Variants in ASB15 observed in about 807,000 individuals in gnomAD.
The protein encoded by ASB15 is ankyrin repeat and SOCS box protein 15.
A neutral mutation model predicts 58.0 loss-of-function variants in ASB15; 54 were observed. The observed-to-expected ratio is 0.93, with a 90% CI of 0.75 to 1.17. The LOEUF (loss-of-function observed/expected upper bound fraction) is 1.17. ASB15 is among the 50% of genes most tolerant of loss of function. The probability of loss-of-function intolerance (pLI) is 0.00; values close to 1 mark genes in which losing one functional copy is unlikely to be tolerated. For synonymous variants in ASB15, 249 were observed against 262.4 expected, an observed-to-expected ratio of 0.95 and a Z score of 0.50; for missense variants, 680 against 707.4, an observed-to-expected ratio of 0.96 and a Z score of 0.44.
intron 1 of ASB15, among the ~76,000 whole-genome samples, chr7:123,573,310 T>C (rs1562906622): frequency 2.1e-5 from 3 of 144,442 alleles, no homozygotes; most frequent in Non-Finnish European, 4.5e-5. Flanking sequence ...TTTTTTGTCA[T>C]CTTAGGGTTT....
intron 1 of ASB15, among the ~76,000 whole-genome samples, chr7:123,570,537 AAC>A (rs1322206371): frequency 6.6e-6 from 1 of 152,096 alleles, no homozygotes; most frequent in Non-Finnish European, 1.5e-5. Context: ...AGGAAAGCCA[AAC>A]ACACTAAGAA....
chr7:123,571,164 C>A (rs1005844395), intron 1 of ASB15, among the ~76,000 whole-genome samples: 3 of 152,156 alleles, frequency 2.0e-5, no homozygotes, highest in African/African-American at 7.2e-5. Context: ...TTGAGAAGCA[C>A]CAACTGCACA....
chr7:123,616,627 G>C (rs1223723057), intron 6 of ASB15, 132 bp downstream of exon 6: 2 of 1,128,532 alleles, frequency 1.8e-6, no homozygotes, highest in African/African-American at 3.3e-5. Context: ...ATTTGAAAAA[G>C]GCAGCACCCA....
chr7:123,601,490 A>G (rs1016749998), upstream of ASB15, among the ~76,000 whole-genome samples: 7 of 152,204 alleles, frequency 4.6e-5, no homozygotes, highest in Admixed American at 6.5e-5. Flanking sequence ...AAAATATGTC[A>G]AAAGTGGATT....
At chr7:123,614,687 T>G (rs1800685892) in intron 4 of ASB15, 78 bp downstream of exon 4, 5 of 902,152 alleles carry the variant, frequency 5.5e-6, no homozygotes, top group Non-Finnish European at 9.0e-6. Flanking sequence ...GAATACCGTT[T>G]CCTAATTCCT....
At position 123,624,649 on chromosome 7, in the gene ASB15, T is replaced by C; in HGVS notation, c.532T>C (p.Trp178Arg). The C allele has an allele frequency of 6.2e-7, 1 of 1,614,160 alleles. No homozygotes were observed. The highest frequency in any genetic ancestry group is 8.5e-7 in the Non-Finnish European group (1 of 1,180,002). Residue 178 changes from tryptophan (W) to arginine (R), a missense_variant, in exon 8 of 12, where the codon TGG (tryptophan) becomes CGG (arginine). Physicochemically the swap from Trp to Arg is moderately radical, Grantham distance 101. Transcript: ENST00000451215. ...TSLDQPCVKR[W>R]SAMHEAAKQG... ...CCTAGACCAGCCCTGTGTCAAGCGA[T>C]GGTCAGCAATGCATGAAGCAGCCAA...
intron 1 of ASB15, among the ~76,000 whole-genome samples, chr7:123,596,201 G>A (rs542074548): frequency 1.5e-4 from 23 of 152,138 alleles, no homozygotes; most frequent in African/African-American, 5.5e-4. Context: ...CAAATCATGA[G>A]ACCATTAAAA....
In ASB15 at chr7:123,629,210, G is replaced by A. The variant is rs751821828; in HGVS notation, c.1216G>A (p.Val406Ile). 5.6e-6 allele frequency: 9 copies of A among 1,613,854 alleles called. No individual in the cohort carries two copies. The highest frequency in any genetic ancestry group is 6.8e-6 in the Non-Finnish European group (8 of 1,179,756). The change falls in exon 10 of 12, where the codon GTC (valine) becomes ATC (isoleucine). Residue 406 changes from valine to isoleucine, a missense_variant. Val to Ile is a conservative substitution (Grantham distance 29). Transcript: ENST00000451215. Reference protein sequence around the residue: ...VRLLLSHGANVNCYFMHVNDT... With the variant: ...VRLLLSHGANINCYFMHVNDT... ...GCTGCTTCTCTCCCATGGAGCTAAT[G>A]TCAATTGTTATTTTATGCATGTGAA... is the stretch of plus-strand genomic sequence containing the variant.
At chr7:123,593,861 G>A (rs1385413637) in intron 1 of ASB15, among the ~76,000 whole-genome samples, 2 of 152,140 alleles carry the variant, frequency 1.3e-5, no homozygotes, top group Non-Finnish European at 2.9e-5. Flanking sequence ...CTGGATAATA[G>A]CCTGAAGAGT....
rs1448225223 is a variant in ASB15 at position 123,575,427 on chromosome 7, CAT to C, written c.-443+8340_-443+8341del. 3.9e-5 allele frequency among the ~76,000 whole-genome samples: 6 copies of C among 152,222 alleles called. No individual in the cohort carries two copies. The East Asian group carries it at 5.8e-4, about 15-fold the overall frequency. On this transcript the variant is annotated intron_variant, in intron 1 of 13. Transcript: ENST00000451558. Reference sequence around the variant, plus strand: ...TCTCCTTTCAATCTCAGATATTCCACATGAGGCAATCATACACAATTAAATCA... The same window carrying C: ...TCTCCTTTCAATCTCAGATATTCCACGAGGCAATCATACACAATTAAATCA...
intron 1 of ASB15, among the ~76,000 whole-genome samples, chr7:123,591,196 T>G (rs1423944296): frequency 1.3e-5 from 2 of 152,226 alleles, no homozygotes; most frequent in Admixed American, 6.5e-5. Flanking sequence ...AAGGAGATTT[T>G]GGGCTGAGAC....
At chr7:123,620,753 AGGG>A in intron 7 of ASB15, among the ~76,000 whole-genome samples, 1 of 149,626 alleles carries the variant, frequency 6.7e-6, no homozygotes, top group Non-Finnish European at 1.5e-5. Context: ...TATTAGAGAC[AGGG>A]TTTCACCATG....
At chr7:123,592,969 A>T (rs186287353) in intron 1 of ASB15, among the ~76,000 whole-genome samples, 16 of 152,102 alleles carry the variant, frequency 1.1e-4, no homozygotes, top group African/African-American at 3.9e-4. Context: ...TTGGGTGCAT[A>T]TATATTTAGG....
intron 11 of ASB15, among the ~76,000 whole-genome samples, chr7:123,635,360 G>T (rs1210305768): frequency 6.6e-6 from 1 of 151,882 alleles, no homozygotes; most frequent in Non-Finnish European, 1.5e-5. Flanking sequence ...ATTTTATTTT[G>T]CAATAAAAAG....
chr7:123,571,335 T>C (rs1278067764), intron 1 of ASB15, among the ~76,000 whole-genome samples: 1 of 152,196 alleles, frequency 6.6e-6, no homozygotes, highest in African/African-American at 2.4e-5. Flanking sequence ...AATTATTGTT[T>C]AAAACAAGTG....
chr7:123,629,270 C>A lies in ASB15; in HGVS notation c.1276C>A (p.Leu426Ile). ...TTTCCCCAGTGTCATTCAATATGCTCTAAACGACGAGGTAATGCTGAGGCT... is the reference window on the plus strand; with the variant it reads ...TTTCCCCAGTGTCATTCAATATGCTATAAACGACGAGGTAATGCTGAGGCT... The part of the protein sequence containing the change: ...TRFPSVIQYA[L>I]NDEVMLRLLL... Residue 426 changes from leucine to isoleucine, a missense_variant, in exon 10 of 12, where the codon CTA (leucine) becomes ATA (isoleucine). Transcript: ENST00000451215. 1 of 1,613,990 alleles carries A rather than the reference C, an allele frequency of 6.2e-7. No homozygotes were observed. Among genetic ancestry groups the A allele is most frequent in the South Asian group, 1.1e-5 (1 of 91,056 alleles).
At chr7:123,605,150 C>T (rs1381453091) in intron 2 of ASB15, among the ~76,000 whole-genome samples, 1 of 151,936 alleles carries the variant, frequency 6.6e-6, no homozygotes, top group African/African-American at 2.4e-5. Context: ...ATACATTATG[C>T]CAGGAATGAA....
chr7:123,597,898 A>G (rs527995610), upstream of ASB15, among the ~76,000 whole-genome samples: 56 of 136,040 alleles, frequency 4.1e-4, no homozygotes, highest in African/African-American at 1.5e-3. Flanking sequence ...ATGTAAAACC[A>G]TTTTCTCTTT....
chr7:123,601,091 T>C (rs1460429617), upstream of ASB15, among the ~76,000 whole-genome samples: 2 of 152,164 alleles, frequency 1.3e-5, no homozygotes, highest in Non-Finnish European at 2.9e-5. Context: ...CAGATGGCTT[T>C]GTGAGTGCCG....
Sources: gnomAD v4.1 joint callset for allele counts (sites outside exome capture counted in the v4.1 genomes callset) on GRCh38, gnomAD v4.1.1 for gene constraint, MANE v1.5 for transcripts, NCBI Gene and HGNC (gene_info 2026-07-23, HGNC 2026-07-21) for gene names.